Variants in IL1RAPL1 observed in about 807,000 individuals in gnomAD.
IL1RAPL1 encodes the protein interleukin 1 receptor accessory protein like 1.
A neutral mutation model predicts 48.4 loss-of-function variants in IL1RAPL1; 3 were observed. That is an observed-to-expected ratio of 0.06 (90% CI 0.03 to 0.16). The LOEUF is 0.16. IL1RAPL1 is among the 10% of genes least tolerant of loss of function. IL1RAPL1 has a pLI of 1.00. For missense variants in IL1RAPL1, 349 were observed against 530.6 expected (o/e 0.66, Z 3.36); for synonymous variants, 185 against 187.7 (o/e 0.99, Z 0.12).
chrX:29,381,879 C>T (rs1484440151), intron 3 of IL1RAPL1, among the ~76,000 whole-genome samples: 5 of 90,898 alleles, frequency 5.5e-5, no homozygotes, highest in Non-Finnish European at 8.3e-5. Context: ...TACTTATGTG[C>T]TTTGTACATT....
chrX:28,841,263 T>G (rs1921364422), intron 2 of IL1RAPL1, among the ~76,000 whole-genome samples: 1 of 110,919 alleles, frequency 9.0e-6, no homozygotes, highest in Non-Finnish European at 1.9e-5. Context: ...GATTCAGAAC[T>G]TCTTATAAAT....
chrX:29,211,309 T>A (rs749425925), intron 2 of IL1RAPL1, among the ~76,000 whole-genome samples: 7 of 112,311 alleles, frequency 6.2e-5, no homozygotes, highest in Non-Finnish European at 1.1e-4. Context: ...ATTTGTTCAA[T>A]GCTATTGACA....
rs917241794 is a variant in IL1RAPL1 at position 29,885,187 on chromosome X, A to G, written c.779-32277A>G. 3.6e-5 allele frequency among the ~76,000 whole-genome samples: 4 copies of G among 111,725 alleles called. No homozygotes were observed. In the Admixed American group the frequency reaches 3.8e-4, roughly 11 times the overall value. On this transcript the variant is annotated intron_variant, in intron 6 of 10. Coordinates refer to ENST00000378993, the MANE Select transcript of IL1RAPL1 (RefSeq NM_014271.4). ...CTGCAATGAATGCCTGCAATAACAC[A>G]TCCTCCTGGCTAACTCCCTCACCTC...
chrX:28,946,810 C>T (rs752615520), intron 2 of IL1RAPL1, among the ~76,000 whole-genome samples: 60 of 111,485 alleles, frequency 5.4e-4, no homozygotes, highest in Non-Finnish European at 1.0e-3. Flanking sequence ...TGTAGTAAAG[C>T]GTATAGCCAT....
At chrX:28,854,126 C>T (rs979898431) in intron 2 of IL1RAPL1, among the ~76,000 whole-genome samples, 2 of 111,633 alleles carry the variant, frequency 1.8e-5, no homozygotes, top group African/African-American at 6.5e-5. Flanking sequence ...TACTGATTTT[C>T]TAGATTGAGT....
intron 5 of IL1RAPL1, among the ~76,000 whole-genome samples, chrX:29,484,193 A>T (rs1046242617): frequency 4.5e-5 from 5 of 111,436 alleles, no homozygotes; most frequent in African/African-American, 1.3e-4. Context: ...ATTTATTTTC[A>T]AAAAAGTTTA....
At chrX:29,569,525 A>T (rs1428017257) in intron 5 of IL1RAPL1, among the ~76,000 whole-genome samples, 1 of 111,240 alleles carries the variant, frequency 9.0e-6, no homozygotes, top group Non-Finnish European at 1.9e-5. Flanking sequence ...ATCAAGGCCT[A>T]ACTCTCTTCA....
intron 2 of IL1RAPL1, among the ~76,000 whole-genome samples, chrX:28,816,467 A>G (rs1380802689): frequency 9.1e-6 from 1 of 110,452 alleles, no homozygotes; most frequent in Non-Finnish European, 1.9e-5. Flanking sequence ...TCCAGTGTTT[A>G]GCTCCCACTT....
At chrX:28,780,676 G>A (rs754908847) in intron 1 of IL1RAPL1, among the ~76,000 whole-genome samples, 30 of 110,184 alleles carry the variant, frequency 2.7e-4, no homozygotes, top group African/African-American at 9.2e-4. Context: ...GTAAAAAATA[G>A]TGCATGTTCT....
chrX:29,335,261 C>G (rs111464484), intron 3 of IL1RAPL1, among the ~76,000 whole-genome samples: 2,034 of 21,730 alleles, frequency 0.094, 33 homozygotes, highest in Non-Finnish European at 0.11. Flanking sequence ...TGGAGGGAGA[C>G]GGAGACGGAG....
intron 2 of IL1RAPL1, among the ~76,000 whole-genome samples, chrX:28,907,212 C>T (rs927816678): frequency 9.0e-6 from 1 of 111,461 alleles, no homozygotes; most frequent in Non-Finnish European, 1.9e-5. Flanking sequence ...TCTTTAGTCT[C>T]TTGTTGTAGC....
intron 6 of IL1RAPL1, among the ~76,000 whole-genome samples, chrX:29,802,817 A>ATACATATATG (rs1929980129): frequency 4.9e-5 from 3 of 61,615 alleles, no homozygotes; most frequent in African/African-American, 2.2e-4. Context: ...ATATGTGTGT[A>ATACATATATG]TATATATGTA....
At chrX:29,511,466 C>T (rs955150693) in intron 5 of IL1RAPL1, among the ~76,000 whole-genome samples, 2 of 111,668 alleles carry the variant, frequency 1.8e-5, no homozygotes, top group African/African-American at 3.3e-5. Flanking sequence ...TTTTCCATAG[C>T]TTCATAATTG....
chrX:29,695,958 A>C (rs1926902012), intron 6 of IL1RAPL1, among the ~76,000 whole-genome samples: 1 of 111,946 alleles, frequency 8.9e-6, no homozygotes, highest in Non-Finnish European at 1.9e-5. Context: ...TTTCATAATA[A>C]AAATAAAATC....
chrX:28,838,754 G>T (rs1253083552), intron 2 of IL1RAPL1, among the ~76,000 whole-genome samples: 1 of 109,807 alleles, frequency 9.1e-6, no homozygotes, highest in Non-Finnish European at 1.9e-5. Context: ...AATAGTATCT[G>T]CTGTTATAAT....
chrX:28,983,191 T>C (rs776755114), intron 2 of IL1RAPL1, among the ~76,000 whole-genome samples: 1 of 111,980 alleles, frequency 8.9e-6, no homozygotes, highest in South Asian at 3.7e-4. Context: ...TTAAATTACT[T>C]GGAGAGCCAA....
At chrX:29,545,227 CTATCTATCTATCTATT>C (rs1921586766) in intron 5 of IL1RAPL1, among the ~76,000 whole-genome samples, 1 of 104,024 alleles carries the variant, frequency 9.6e-6, no homozygotes, top group Admixed American at 1.0e-4. Context: ...ATCTATCTAT[CTATCTATCTATCTATT>C]GGACAACAAA....
In IL1RAPL1 at chrX:29,837,278, T is replaced by C. The variant is rs866550523; in HGVS notation, c.779-80186T>C. 4.8e-3 allele frequency among the ~76,000 whole-genome samples: 281 copies of C among 58,371 alleles called. 11 individuals carry two copies. In the Admixed American group the frequency reaches 0.056, roughly 12 times the overall value. The allele number at this position is 58,371 out of a possible 115,157, so 50.7% of individuals were successfully genotyped here. ...CATCTCAAAAAAAAAAAAAAATATA[T>C]ATATATATATATATATATATATACA... On this transcript the variant is annotated intron_variant, in intron 6 of 10. Transcript: ENST00000378993.
At chrX:29,942,658 T>C (rs1248647937) in intron 9 of IL1RAPL1, among the ~76,000 whole-genome samples, 1 of 109,778 alleles carries the variant, frequency 9.1e-6, no homozygotes, top group Non-Finnish European at 1.9e-5. Flanking sequence ...TCACTCTTGT[T>C]GCCCAAGCTG....
Sources: allele counts gnomAD v4.1 joint callset (sites outside exome capture counted in the v4.1 genomes callset), GRCh38; gene constraint gnomAD v4.1.1; transcripts MANE v1.5; gene names NCBI Gene and HGNC (gene_info 2026-07-23, HGNC 2026-07-21).